SHANK2: variants seen among roughly 807,000 people sequenced by gnomAD.
The protein encoded by SHANK2 is SH3 and multiple ankyrin repeat domains protein 2.
A neutral mutation model predicts 133.7 loss-of-function variants in SHANK2; 43 were observed. That is an observed-to-expected ratio of 0.32 (90% CI 0.25 to 0.41). The LOEUF is 0.41. SHANK2 is among the 10% of genes least tolerant of loss of function. The pLI is 1.00. For missense variants in SHANK2, 1,994 were observed against 2,235.8 expected (o/e 0.89, Z 2.18); for synonymous variants, 1,017 against 952.8 (o/e 1.07, Z -1.24).
chr11:70,866,316 C>T (rs1949358703), intron 11 of SHANK2, among the ~76,000 whole-genome samples: 1 of 152,018 alleles, frequency 6.6e-6, no homozygotes, highest in African/African-American at 2.4e-5. Context: ...TGGGGGGAAC[C>T]ATTTGGGAGG....
rs140457538 is a variant in SHANK2 at position 71,218,474 on chromosome 11, G to C, written c.-13+6223C>G. Among the ~76,000 whole-genome samples, 36 of 152,064 alleles carry C rather than the reference G, an allele frequency of 2.4e-4. No homozygotes were observed. In the East Asian group the frequency reaches 6.8e-3, roughly 29 times the overall value. ...GACGGGGTTTCTCCTTGTTGGTCAG[G>C]CTGGTCTCAAACTCCCGACATCAGG... On this transcript the variant is annotated intron_variant, in intron 2 of 25. Coordinates refer to ENST00000601538, the MANE Select transcript of SHANK2 (RefSeq NM_012309.5).
intron 14 of SHANK2, among the ~76,000 whole-genome samples, chr11:70,745,018 C>T (rs1055659526): frequency 2.0e-5 from 3 of 152,242 alleles, no homozygotes; most frequent in African/African-American, 7.2e-5. Flanking sequence ...GACCCAGCAT[C>T]TGCGGCAGCA....
At chr11:70,844,905 T>C (rs782603949) in intron 11 of SHANK2, among the ~76,000 whole-genome samples, 9 of 151,956 alleles carry the variant, frequency 5.9e-5, no homozygotes, top group African/African-American at 9.7e-5. Context: ...TTTCTTCTTA[T>C]GAAAATAAAA....
At chr11:70,787,700 T>C (rs1403039546) in intron 14 of SHANK2, among the ~76,000 whole-genome samples, 1 of 151,772 alleles carries the variant, frequency 6.6e-6, no homozygotes, top group African/African-American at 2.4e-5. Flanking sequence ...CAACTACTTA[T>C]CATCATTACC....
chr11:71,206,765 C>A (rs1347738248), intron 2 of SHANK2, among the ~76,000 whole-genome samples: 2 of 151,956 alleles, frequency 1.3e-5, no homozygotes, highest in Non-Finnish European at 2.9e-5. Flanking sequence ...CAAGACGCGG[C>A]AACTACAAAA....
intron 17 of SHANK2, among the ~76,000 whole-genome samples, chr11:70,642,568 C>T (rs1324346641): frequency 6.6e-6 from 1 of 152,198 alleles, no homozygotes. Flanking sequence ...GGTGTCTCCC[C>T]TGTGTCCACG....
rs371942021 is a variant in SHANK2, at chr11:70,674,797, T to C, written c.1854-13119A>G. Among the ~76,000 whole-genome samples the C allele has an allele frequency of 5.0e-3, 764 of 152,342 alleles. 3 individuals carry two copies. Among genetic ancestry groups the C allele is most frequent in the Non-Finnish European group, 7.4e-3 (501 of 68,030 alleles). On this transcript the variant is annotated intron_variant, in intron 15 of 25. Transcript: ENST00000601538. The stretch of plus-strand genomic sequence containing the variant: ...TGGCACAGAGGCAGCCATGACAATA[T>C]GTAAATGATGGGTGGGGCTGTGTTC...
chr11:71,215,121 T>G (rs1483373306), intron 2 of SHANK2, among the ~76,000 whole-genome samples: 3 of 152,164 alleles, frequency 2.0e-5, no homozygotes, highest in Non-Finnish European at 2.9e-5. Flanking sequence ...TGCCCCGATG[T>G]GCGATGTCCT....
At chr11:71,239,624 C>T (rs1000910806) in intron 1 of SHANK2, among the ~76,000 whole-genome samples, 2 of 152,090 alleles carry the variant, frequency 1.3e-5, no homozygotes, top group Non-Finnish European at 2.9e-5. Flanking sequence ...CCATGCCCAG[C>T]TAATACTTGT....
intron 14 of SHANK2, among the ~76,000 whole-genome samples, chr11:70,709,550 C>A (rs868907804): frequency 2.6e-4 from 40 of 152,324 alleles, no homozygotes; most frequent in Admixed American, 1.6e-3. Context: ...AGAGCCTACT[C>A]GGTGACCACA....
chr11:71,168,687 T>A (rs1555111644), intron 2 of SHANK2, among the ~76,000 whole-genome samples: 1 of 152,078 alleles, frequency 6.6e-6, no homozygotes, highest in Non-Finnish European at 1.5e-5. Flanking sequence ...CAGTCAGGCG[T>A]GGCGGCGCGC....
rs782498075 is a variant in SHANK2 at position 71,188,682 on chromosome 11, G to A, written c.-13+36015C>T. On this transcript the variant is annotated intron_variant, in intron 2 of 25. Transcript: ENST00000601538. This position sits in a 1 kb window ranked among gnomAD's most constrained non-coding sequence, Gnocchi z 4.6. ...GCCCAAATGCACCGTGCTGGTGCTA[G>A]AGTGCCCTGCTCACTCATCTGTCGC... Among the ~76,000 whole-genome samples, 16 of 152,312 alleles carry A rather than the reference G, an allele frequency of 1.1e-4. No individual in the cohort carries two copies. The highest frequency in any genetic ancestry group is 2.0e-4 in the Admixed American group (3 of 15,300).
chr11:70,828,505 T>TC (rs1393544862), intron 11 of SHANK2, among the ~76,000 whole-genome samples: 1 of 152,246 alleles, frequency 6.6e-6, no homozygotes, highest in Non-Finnish European at 1.5e-5. Flanking sequence ...TTCATGCACC[T>TC]CCTCGGACAC....
intron 15 of SHANK2, among the ~76,000 whole-genome samples, chr11:70,691,439 A>G (rs1032701533): frequency 2.0e-5 from 3 of 152,070 alleles, no homozygotes; most frequent in African/African-American, 4.8e-5. Context: ...GGCTCACCCA[A>G]ATGGAGACCT....
intron 2 of SHANK2, among the ~76,000 whole-genome samples, chr11:71,215,726 G>C (rs1284999590): frequency 6.6e-6 from 1 of 152,184 alleles, no homozygotes; most frequent in Non-Finnish European, 1.5e-5. Flanking sequence ...AGGCGTGCCA[G>C]CTCAGGAGCT....
At chr11:70,498,663 G>T (rs2059006522) in intron 21 of SHANK2, among the ~76,000 whole-genome samples, 1 of 152,218 alleles carries the variant, frequency 6.6e-6, no homozygotes. Flanking sequence ...TCACTAAGCA[G>T]GGTAAAGCCA....
chr11:71,164,637 T>C (rs1555110474), intron 2 of SHANK2, among the ~76,000 whole-genome samples: 1 of 152,234 alleles, frequency 6.6e-6, no homozygotes, highest in Non-Finnish European at 1.5e-5. Flanking sequence ...CTGAGACCTC[T>C]ATGGAGCGAT....
At chr11:71,078,442 G>T (rs1200270506) in intron 8 of SHANK2, among the ~76,000 whole-genome samples, 1 of 152,142 alleles carries the variant, frequency 6.6e-6, no homozygotes, top group Non-Finnish European at 1.5e-5. Flanking sequence ...ATTAATTCTG[G>T]CAAGAAAGGC....
chr11:71,089,019 C>A (rs1483381556), intron 8 of SHANK2, among the ~76,000 whole-genome samples: 5 of 152,090 alleles, frequency 3.3e-5, no homozygotes, highest in Middle Eastern at 3.2e-3. Context: ...CACCACCCCA[C>A]CAGGGGCCGC....
Sources: gnomAD v4.1 joint callset for allele counts (sites outside exome capture counted in the v4.1 genomes callset) on GRCh38, gnomAD v4.1.1 for gene constraint, Gnocchi (gnomAD v3.1) non-coding constraint, MANE v1.5 for transcripts, NCBI Gene and HGNC (gene_info 2026-07-23, HGNC 2026-07-21) for gene names.